PCDHGA8: variants seen among roughly 807,000 people sequenced by gnomAD.
The protein encoded by PCDHGA8 is protocadherin gamma subfamily A, 8.
PCDHGA8 carries 45 observed loss-of-function variants against 59.2 expected under a neutral mutation model. The ratio of observed to expected loss-of-function variants is 0.76; its 90% CI spans 0.60 to 0.98. The LOEUF (loss-of-function observed/expected upper bound fraction) is 0.98, where lower values mean the gene tolerates loss of function less well. Among genes scored for constraint, PCDHGA8 ranks in the 50% least tolerant of loss-of-function variants. The pLI is 0.00. For missense variants in PCDHGA8, 1,257 were observed against 1,196.2 expected (o/e 1.05, Z -0.75); for synonymous variants, 531 against 519.0 (o/e 1.02, Z -0.32).
chr5:141,486,869 C>G lies in PCDHGA8; in HGVS notation c.2425-7938C>G. On this transcript the variant is annotated intron_variant, in intron 1 of 3. Transcript: ENST00000398604. This position sits in a 1 kb window ranked among gnomAD's most constrained non-coding sequence, Gnocchi z 5.0. ...CCTCAATGACAATGCTCCAGCTGTG[C>G]TCCGTCCTCGGGCCCGGCCTGGTTC... The G allele has an allele frequency of 6.2e-7, 1 of 1,614,246 alleles. No homozygotes were observed. The highest frequency in any genetic ancestry group is 8.5e-7 in the Non-Finnish European group (1 of 1,180,042).
At position 141,431,906 on chromosome 5, in the gene PCDHGA8, A is replaced by G; in HGVS notation, c.2424+36669A>G. 1 of 1,613,868 alleles carries G rather than the reference A, an allele frequency of 6.2e-7. No individual in the cohort carries two copies. Among genetic ancestry groups the G allele is most frequent in the Non-Finnish European group, 8.5e-7 (1 of 1,179,692 alleles). On this transcript the variant is annotated intron_variant, in intron 1 of 3. Transcript: ENST00000398604. This position sits in a 1 kb window ranked among gnomAD's most constrained non-coding sequence, Gnocchi z 4.8. ...AGATTCTGAGGAAAACGGACAGGTG[A>G]TCTGTTTCATCCAAGGAAATCTGCC...
At chr5:141,420,101 T>C (rs1160215468) in intron 1 of PCDHGA8, 1 of 1,613,928 alleles carries the variant, frequency 6.2e-7, no homozygotes, top group Non-Finnish European at 8.5e-7. Flanking sequence ...TGAGGGAACG[T>C]TGCCCTATGC....
chr5:141,495,415 C>T (rs1385371906), intron 2 of PCDHGA8, among the ~76,000 whole-genome samples: 1 of 152,194 alleles, frequency 6.6e-6, no homozygotes, highest in Admixed American at 6.5e-5. Context: ...TTCTCCGGCC[C>T]CTCCTCCCAC....
intron 1 of PCDHGA8, among the ~76,000 whole-genome samples, chr5:141,452,284 C>G (rs1182155879): frequency 6.6e-6 from 1 of 152,112 alleles, no homozygotes; most frequent in Non-Finnish European, 1.5e-5. Context: ...TTCTTACTTT[C>G]TGATATAAGA....
At chr5:141,510,509 C>G (rs146315792) in intron 3 of PCDHGA8, among the ~76,000 whole-genome samples, 13 of 152,204 alleles carry the variant, frequency 8.5e-5, no homozygotes, top group Non-Finnish European at 1.6e-4. Flanking sequence ...ACTGAGAGCC[C>G]GTGTCACAGC....
chr5:141,422,406 T>C, intron 1 of PCDHGA8: 1 of 1,601,224 alleles, frequency 6.2e-7, no homozygotes, highest in South Asian at 1.1e-5. Context: ...ACCTGCCTTT[T>C]AAATTAGAAA....
In PCDHGA8 at chr5:141,394,243, A is replaced by G. The variant is rs2092952699; in HGVS notation, c.1430A>G (p.His477Arg). The G allele has an allele frequency of 1.2e-6, 2 of 1,613,844 alleles. No homozygotes were observed. The highest frequency in any genetic ancestry group is 4.5e-5 in the East Asian group (2 of 44,870). ...RGASIFSLTA[H>R]DPDSQENAQV... ...GCCTCCATCTTTTCCTTGACTGCACACGACCCCGACAGCCAGGAGAATGCC... is the reference window on the plus strand; with the variant it reads ...GCCTCCATCTTTTCCTTGACTGCACGCGACCCCGACAGCCAGGAGAATGCC... Residue 477 changes from histidine (H) to arginine (R), a missense_variant, in exon 1 of 4, where the codon CAC becomes CGC. By Grantham distance (29) the His-to-Arg change is conservative. Coordinates refer to ENST00000398604, the MANE Select transcript of PCDHGA8 (RefSeq NM_032088.2).
rs2233612 is a variant in PCDHGA8 at position 141,511,014 on chromosome 5, A to G, written c.2640A>G (p.Gly880=). 8.6e-4 allele frequency: 1,386 copies of G among 1,614,082 alleles called. 14 individuals are homozygous for G. The African/African-American group carries it at 0.017, about 20-fold the overall frequency. The change falls in exon 4 of 4, where the codon GGA becomes GGG. Residue 880 remains glycine, a synonymous_variant. Coordinates refer to ENST00000398604, the MANE Select transcript of PCDHGA8 (RefSeq NM_032088.2). ...AGTMGLSARY[G]PQFTLQHVPD... ...CCATGGGATTGAGCGCCCGCTACGG[A>G]CCCCAGTTCACCCTGCAGCACGTGC...
rs1041367498 is a variant in PCDHGA8 at position 141,489,060 on chromosome 5, T to G, written c.2425-5747T>G. ...CAGCTCCACTCAAATTCAGCTCCCCTCCCCCCTGCCCACCCCCGCCACTCG... is the reference window on the plus strand; with the variant it reads ...CAGCTCCACTCAAATTCAGCTCCCCGCCCCCCTGCCCACCCCCGCCACTCG... On this transcript the variant is annotated intron_variant, in intron 1 of 3. Transcript: ENST00000398604. This position sits in a 1 kb window ranked among gnomAD's most constrained non-coding sequence, Gnocchi z 4.5. The G allele has an allele frequency of 1.7e-5, 5 of 300,224 alleles. No individual in the cohort carries two copies. The highest frequency in any genetic ancestry group is 2.4e-5 in the African/African-American group (1 of 42,484). The allele number at this position is 300,224 out of a possible 1,614,324, so 18.6% of individuals were successfully genotyped here.
At chr5:141,427,059 G>C (rs751016646) in intron 1 of PCDHGA8, 1 of 457,744 alleles carries the variant, frequency 2.2e-6, no homozygotes, top group South Asian at 1.5e-5. Context: ...AGGCACCTCT[G>C]TACTAAAGGT....
chr5:141,434,564 A>C (rs2097703207), intron 1 of PCDHGA8, among the ~76,000 whole-genome samples: 1 of 152,228 alleles, frequency 6.6e-6, no homozygotes, highest in Admixed American at 6.5e-5. Context: ...CCTTAAGGAC[A>C]TGCCCCTGCT....
At chr5:141,435,665 A>C (rs1029846055) in intron 1 of PCDHGA8, among the ~76,000 whole-genome samples, 2 of 152,206 alleles carry the variant, frequency 1.3e-5, no homozygotes, top group African/African-American at 4.8e-5. Flanking sequence ...CACAGATTCC[A>C]AGTGTTTTCT....
intron 2 of PCDHGA8, among the ~76,000 whole-genome samples, chr5:141,496,352 G>A (rs2099768243): frequency 2.0e-5 from 3 of 152,200 alleles, no homozygotes; most frequent in South Asian, 2.1e-4. Context: ...GAGTCTCAGA[G>A]CCCAGGGAGA....
chr5:141,419,830 T>G, intron 1 of PCDHGA8: 1 of 1,614,052 alleles, frequency 6.2e-7, no homozygotes, highest in African/African-American at 1.3e-5. Context: ...TTTCAGCCAC[T>G]GCCACGCTGC....
At chr5:141,498,679 C>G (rs1454800332) in intron 2 of PCDHGA8, among the ~76,000 whole-genome samples, 1 of 152,170 alleles carries the variant, frequency 6.6e-6, no homozygotes, top group Admixed American at 6.5e-5. Flanking sequence ...CGCCTGTAAT[C>G]CCAGCACTTT....
intron 1 of PCDHGA8, chr5:141,403,774 C>T (rs1350465491): frequency 1.9e-6 from 3 of 1,613,668 alleles, no homozygotes; most frequent in Non-Finnish European, 1.7e-6. Flanking sequence ...AGGGAATCAA[C>T]GGAAAAGTGG....
At chr5:141,488,620 C>A (rs1271344928) in intron 1 of PCDHGA8, among the ~76,000 whole-genome samples, 1 of 152,164 alleles carries the variant, frequency 6.6e-6, no homozygotes, top group East Asian at 1.9e-4. Context: ...CTAATCTTTT[C>A]TCTCACCTTA....
At position 141,392,945 on chromosome 5, in the gene PCDHGA8, C is replaced by T. The variant is rs1561639150; in HGVS notation, c.132C>T (p.Phe44=). Residue 44 remains phenylalanine, a synonymous_variant, in exon 1 of 4, where the codon TTC becomes TTT. Coordinates refer to ENST00000398604, the MANE Select transcript of PCDHGA8 (RefSeq NM_032088.2). The part of the protein sequence containing the change: ...SVPEETDKGS[F]VGNISKDLGL... ...CAGAAGAGACGGACAAAGGCTCCTT[C>T]GTGGGTAATATCTCCAAGGACCTGG... is the stretch of plus-strand genomic sequence containing the variant. 6.2e-7 allele frequency: 1 copy of T among 1,613,916 alleles called. No homozygotes were observed.
chr5:141,422,077 A>C (rs2096622436), intron 1 of PCDHGA8: 1 of 1,612,340 alleles, frequency 6.2e-7, no homozygotes, highest in Admixed American at 1.7e-5. Flanking sequence ...TTCATTTCGG[A>C]ACATGGAAAG....
Sources: allele counts gnomAD v4.1 joint callset (sites outside exome capture counted in the v4.1 genomes callset), GRCh38; gene constraint gnomAD v4.1.1; non-coding constraint Gnocchi (gnomAD v3.1); transcripts MANE v1.5; gene names NCBI Gene and HGNC (gene_info 2026-07-23, HGNC 2026-07-21).